TTC28: variants seen among roughly 807,000 people sequenced by gnomAD.
TTC28 encodes tetratricopeptide repeat domain 28, also known as tetratricopeptide repeat protein 28.
TTC28 carries 61 observed loss-of-function variants against 198.0 expected under a neutral mutation model. The observed-to-expected ratio is 0.31, with a 90% CI of 0.25 to 0.38. TTC28 has a LOEUF of 0.38. TTC28 is among the 10% of genes least tolerant of loss of function. The pLI is 1.00. For missense variants in TTC28, 2,678 were observed against 3,164.0 expected (o/e 0.85, Z 3.69); for synonymous variants, 1,171 against 1,297.8 (o/e 0.90, Z 2.10).
chr22:28,186,297 A>C (rs566564560), intron 5 of TTC28, among the ~76,000 whole-genome samples: 53 of 152,272 alleles, frequency 3.5e-4, no homozygotes, highest in African/African-American at 1.3e-3. Context: ...ATGTTATTTG[A>C]TTAATAGTAT....
chr22:28,211,473 G>T (rs572710666), intron 5 of TTC28, among the ~76,000 whole-genome samples: 2 of 152,090 alleles, frequency 1.3e-5, no homozygotes, highest in South Asian at 4.2e-4. Flanking sequence ...AAAAGCAGAG[G>T]TTACAATCCT....
intron 5 of TTC28, among the ~76,000 whole-genome samples, chr22:28,220,647 A>C (rs1291848994): frequency 1.3e-5 from 2 of 152,220 alleles, no homozygotes; most frequent in Non-Finnish European, 2.9e-5. Flanking sequence ...GACTCCAGCA[A>C]AATGAGGGCT....
intron 5 of TTC28, among the ~76,000 whole-genome samples, chr22:28,212,316 C>CA (rs1335063365): frequency 6.6e-6 from 1 of 151,158 alleles, no homozygotes; most frequent in Admixed American, 6.6e-5. Flanking sequence ...AAAAACCCTT[C>CA]AAAAAATCAA....
chr22:28,539,966 A>C (rs8136113), intron 2 of TTC28, among the ~76,000 whole-genome samples: 16 of 116,396 alleles, frequency 1.4e-4, no homozygotes, highest in Non-Finnish European at 2.7e-4. Context: ...TTTTTCTGAG[A>C]CAGGGTCTCA....
Position 28,357,436 on chromosome 22 carries a change from C to T in TTC28, c.382-50793G>A, listed in dbSNP as rs151182647. 6.8e-3 allele frequency among the ~76,000 whole-genome samples: 1,023 copies of T among 151,532 alleles called. 8 individuals are homozygous for T. The highest frequency in any genetic ancestry group is 0.024 in the African/African-American group (973 of 41,236). On this transcript the variant is annotated intron_variant, in intron 2 of 22. Transcript: ENST00000397906. ...ACTCAAACAATCCTCCTGCCTCAGC[C>T]ACCCAAGTAGCTAGGACTACAGGCA...
Position 28,040,250 on chromosome 22 carries a change from A to G in TTC28, c.3933-9884T>C, listed in dbSNP as rs564819756. 9.2e-5 allele frequency among the ~76,000 whole-genome samples: 14 copies of G among 151,754 alleles called. No individual in the cohort carries two copies. The East Asian group carries it at 2.7e-3, about 29-fold the overall frequency. On this transcript the variant is annotated intron_variant, in intron 12 of 22. Transcript: ENST00000397906. ...TAACTCATTTTATGAGGCTAGCATC[A>G]TCCTGATACCAAAGCCTGGCAGAGA...
chr22:28,302,722 TG>T (rs1457712567), intron 3 of TTC28, among the ~76,000 whole-genome samples: 2 of 152,074 alleles, frequency 1.3e-5, no homozygotes, highest in African/African-American at 4.8e-5. Context: ...TCACCCGGGC[TG>T]GTGTGCAGGG....
At chr22:28,254,173 T>A (rs1601535035) in intron 5 of TTC28, among the ~76,000 whole-genome samples, 1 of 151,322 alleles carries the variant, frequency 6.6e-6, no homozygotes, top group East Asian at 1.9e-4. Flanking sequence ...AATTAGATAA[T>A]CTTAGTTTGG....
At chr22:28,351,853 A>G (rs1232178596) in intron 2 of TTC28, among the ~76,000 whole-genome samples, 1 of 152,222 alleles carries the variant, frequency 6.6e-6, no homozygotes, top group Non-Finnish European at 1.5e-5. Context: ...CAGGGAGCTG[A>G]TAACACTGCT....
rs576658198 is a variant in TTC28 at position 28,226,411 on chromosome 22, GTTCTC to G, written c.934-62817_934-62813del. Among the ~76,000 whole-genome samples the G allele has an allele frequency of 5.5e-4, 83 of 152,032 alleles. 2 individuals are homozygous for G. In the South Asian group the frequency reaches 8.1e-3, roughly 15 times the overall value. ...ATACTATTGATGTTGAGCTTTTTCT[GTTCTC>G]TTCTCTTCTTTTCTCTTCTCTTTTT... On this transcript the variant is annotated intron_variant, in intron 5 of 22. Coordinates refer to ENST00000397906, the MANE Select transcript of TTC28 (RefSeq NM_001145418.2).
In TTC28 at chr22:28,404,502, A is replaced by G. The variant is rs972323326; in HGVS notation, c.382-97859T>C. ...GACCACTGTTCTACACACACTTGTT[A>G]TCCTCTCCAAGCACCTGCCTATGTG... On this transcript the variant is annotated intron_variant, in intron 2 of 22. Transcript: ENST00000397906. 2.0e-5 allele frequency among the ~76,000 whole-genome samples: 3 copies of G among 152,170 alleles called. No homozygotes were observed. The East Asian group carries it at 5.8e-4, about 29-fold the overall frequency.
chr22:28,627,484 T>C (rs1285166831), intron 2 of TTC28, among the ~76,000 whole-genome samples: 3 of 150,816 alleles, frequency 2.0e-5, no homozygotes, highest in Non-Finnish European at 2.9e-5. Flanking sequence ...CAGGCTGGAG[T>C]GCAGTGGTGC....
chr22:28,098,119 G>C (rs1942028407), intron 10 of TTC28, among the ~76,000 whole-genome samples: 1 of 152,208 alleles, frequency 6.6e-6, no homozygotes, highest in African/African-American at 2.4e-5. Context: ...TAAGGCCCGG[G>C]TGAAAGAAGA....
At chr22:28,284,986 C>A (rs1390937191) in intron 5 of TTC28, among the ~76,000 whole-genome samples, 1 of 152,176 alleles carries the variant, frequency 6.6e-6, no homozygotes, top group Non-Finnish European at 1.5e-5. Context: ...AGCAATTCTA[C>A]GTCTGAGTAT....
At chr22:28,436,359 A>G (rs2047519839) in intron 2 of TTC28, among the ~76,000 whole-genome samples, 1 of 152,204 alleles carries the variant, frequency 6.6e-6, no homozygotes, top group African/African-American at 2.4e-5. Flanking sequence ...TTAAACTGAT[A>G]GAGACAGACA....
chr22:28,108,137 G>C lies in TTC28; in HGVS notation c.1708C>G (p.His570Asp), dbSNP rs746638869. Residue 570 changes from histidine (H) to aspartate (D), a missense_variant, in exon 7 of 23, where the codon CAT (histidine) becomes GAT (aspartate). This residue lies in a region of TTC28 where 775 missense variants were observed against 845.9 expected (regional missense o/e 0.92). Transcript: ENST00000397906. ...TGATAGTGTTGCAGGGCCCGGTCAT[G>C]GGCACCCAGGGCCTGGTAGGCCACG... ...LAVAYQALGA[H>D]DRALQHYQNH... is the part of the protein sequence containing the mutation. 3.2e-6 allele frequency: 5 copies of C among 1,551,712 alleles called. No individual in the cohort carries two copies. The South Asian group carries it at 5.9e-5, about 18-fold the overall frequency.
intron 2 of TTC28, among the ~76,000 whole-genome samples, chr22:28,556,449 G>A (rs1416406668): frequency 6.6e-6 from 1 of 152,170 alleles, no homozygotes; most frequent in Non-Finnish European, 1.5e-5. Flanking sequence ...TCCACACTAT[G>A]CATGCAGATA....
At chr22:28,463,739 A>T (rs2047981216) in intron 2 of TTC28, among the ~76,000 whole-genome samples, 1 of 151,736 alleles carries the variant, frequency 6.6e-6, no homozygotes, top group African/African-American at 2.4e-5. Context: ...AGGAAGGGGA[A>T]CATCACACAC....
intron 2 of TTC28, among the ~76,000 whole-genome samples, chr22:28,520,229 C>G (rs1212726046): frequency 1.3e-5 from 2 of 152,134 alleles, no homozygotes; most frequent in Admixed American, 1.3e-4. Context: ...GATAATAATG[C>G]TTATCCTTAC....
Sources: allele counts gnomAD v4.1 joint callset (sites outside exome capture counted in the v4.1 genomes callset), GRCh38; gene constraint gnomAD v4.1.1; regional missense constraint gnomAD v4.1.1; transcripts MANE v1.5; gene names NCBI Gene and HGNC (gene_info 2026-07-23, HGNC 2026-07-21).